GPC6: variants seen among roughly 807,000 people sequenced by gnomAD.
GPC6 encodes glypican 6.
GPC6 carries 14 observed loss-of-function variants against 55.2 expected under a neutral mutation model. The ratio of observed to expected loss-of-function variants is 0.25; its 90% CI spans 0.17 to 0.40. The LOEUF is 0.40. Among genes scored for constraint, GPC6 ranks in the 10% least tolerant of loss-of-function variants. The pLI, the probability that GPC6 is intolerant of heterozygous loss-of-function variation, is 1.00. For missense variants in GPC6, 641 were observed against 708.5 expected (o/e 0.90, Z 1.08); for synonymous variants, 278 against 259.6 (o/e 1.07, Z -0.68).
chr13:94,155,252 T>C (rs1427345726), intron 4 of GPC6, among the ~76,000 whole-genome samples: 3 of 152,118 alleles, frequency 2.0e-5, no homozygotes, highest in East Asian at 3.9e-4. Context: ...CCTTCTTTTC[T>C]CGAGTTTTCT....
intron 1 of GPC6, among the ~76,000 whole-genome samples, chr13:93,407,255 AT>A (rs1876328010): frequency 6.6e-6 from 1 of 152,130 alleles, no homozygotes; most frequent in African/African-American, 2.4e-5. Flanking sequence ...ACATATGTAT[AT>A]TTTTTATTTA....
chr13:93,504,016 G>GT (rs1880615965), intron 1 of GPC6, among the ~76,000 whole-genome samples: 1 of 152,058 alleles, frequency 6.6e-6, no homozygotes, highest in South Asian at 2.1e-4. Flanking sequence ...CTTTTTGATT[G>GT]TTTTTTGATT....
At chr13:93,994,625 A>C (rs1350111371) in intron 3 of GPC6, among the ~76,000 whole-genome samples, 4 of 152,164 alleles carry the variant, frequency 2.6e-5, no homozygotes, top group African/African-American at 9.6e-5. Flanking sequence ...GGAAAGCATG[A>C]GTGAAAGTGT....
chr13:94,269,335 C>T (rs1408220849), intron 4 of GPC6, among the ~76,000 whole-genome samples: 4 of 152,182 alleles, frequency 2.6e-5, no homozygotes, highest in African/African-American at 9.7e-5. Context: ...GCTTCACTGG[C>T]ATTGTGGTTT....
At chr13:94,087,146 G>A (rs2138806184) in intron 4 of GPC6, among the ~76,000 whole-genome samples, 1 of 152,314 alleles carries the variant, frequency 6.6e-6, no homozygotes, top group East Asian at 1.9e-4. Context: ...ATTTAAATGG[G>A]ATATTTGATG....
At chr13:93,592,124 G>T (rs1877517573) in intron 2 of GPC6, among the ~76,000 whole-genome samples, 1 of 151,818 alleles carries the variant, frequency 6.6e-6, no homozygotes, top group East Asian at 1.9e-4. Context: ...TAATATATTT[G>T]AGTCTTTACC....
intron 6 of GPC6, among the ~76,000 whole-genome samples, chr13:94,372,647 G>A (rs1356878501): frequency 1.3e-5 from 2 of 152,136 alleles, no homozygotes; most frequent in African/African-American, 2.4e-5. Context: ...AGGGGCGCCC[G>A]CCATTGCCCA....
intron 1 of GPC6, among the ~76,000 whole-genome samples, chr13:93,254,080 T>A (rs1480791167): frequency 6.6e-6 from 1 of 152,168 alleles, no homozygotes; most frequent in Non-Finnish European, 1.5e-5. Context: ...TTCAAGCATT[T>A]GGGAGGCCAA....
intron 3 of GPC6, among the ~76,000 whole-genome samples, chr13:93,884,060 G>A (rs1174171026): frequency 6.6e-6 from 1 of 152,012 alleles, no homozygotes; most frequent in Non-Finnish European, 1.5e-5. Flanking sequence ...TCGACATATG[G>A]CACATACTCA....
intron 1 of GPC6, among the ~76,000 whole-genome samples, chr13:93,313,648 A>T (rs963206): frequency 0.63 from 95,737 of 151,944 alleles, 30,761 homozygotes; most frequent in East Asian, 0.77. Context: ...TATATAAGCA[A>T]GCATGTAATA....
intron 1 of GPC6, among the ~76,000 whole-genome samples, chr13:93,255,921 G>A (rs1876936117): frequency 1.3e-5 from 2 of 152,142 alleles, no homozygotes; most frequent in East Asian, 3.9e-4. Flanking sequence ...ATTACTGGAG[G>A]CCAGGAGTTC....
chr13:93,512,172 A>G (rs948498481), intron 1 of GPC6, among the ~76,000 whole-genome samples: 1 of 151,948 alleles, frequency 6.6e-6, no homozygotes, highest in African/African-American at 2.4e-5. Flanking sequence ...GATGCATTTT[A>G]TTTCTTTCTG....
intron 1 of GPC6, among the ~76,000 whole-genome samples, chr13:93,286,291 C>T (rs921656105): frequency 8.5e-5 from 13 of 152,260 alleles, no homozygotes; most frequent in South Asian, 2.1e-4. Flanking sequence ...GCTGCCCCCA[C>T]GATTCAGTGA....
At chr13:93,816,356 G>A (rs760655227) in intron 2 of GPC6, among the ~76,000 whole-genome samples, 1 of 152,118 alleles carries the variant, frequency 6.6e-6, no homozygotes, top group South Asian at 2.1e-4. Context: ...ACAGCACGCT[G>A]TGCTTTAGAG....
At chr13:94,279,848 G>C (rs906853395) in intron 4 of GPC6, among the ~76,000 whole-genome samples, 1 of 152,160 alleles carries the variant, frequency 6.6e-6, no homozygotes, top group African/African-American at 2.4e-5. Context: ...TTGCTGAGGA[G>C]TGTTTTACTT....
At chr13:94,179,486 ACT>A (rs1222971496) in intron 4 of GPC6, among the ~76,000 whole-genome samples, 3 of 152,166 alleles carry the variant, frequency 2.0e-5, no homozygotes, top group Non-Finnish European at 4.4e-5. Context: ...ATTCTCCATC[ACT>A]GTTTGTATAC....
intron 3 of GPC6, among the ~76,000 whole-genome samples, chr13:93,961,396 G>C (rs1456523801): frequency 2.0e-5 from 3 of 152,198 alleles, no homozygotes; most frequent in African/African-American, 7.2e-5. Context: ...ATGCGAAGCA[G>C]TGATTGAGAT....
At chr13:94,028,359 G>A (rs1039155538) in intron 4 of GPC6, among the ~76,000 whole-genome samples, 1 of 151,978 alleles carries the variant, frequency 6.6e-6, no homozygotes, top group African/African-American at 2.4e-5. Context: ...TTTTCCTAAT[G>A]TTTTTACTGT....
chr13:93,463,968 C>A (rs1878807571), intron 1 of GPC6, among the ~76,000 whole-genome samples: 1 of 151,512 alleles, frequency 6.6e-6, no homozygotes, highest in Admixed American at 6.6e-5. Context: ...CAGACCACAG[C>A]AATAAAGCAA....
Sources: gnomAD v4.1 joint callset for allele counts (sites outside exome capture counted in the v4.1 genomes callset) on GRCh38, gnomAD v4.1.1 for gene constraint, MANE v1.5 for transcripts, NCBI Gene and HGNC (gene_info 2026-07-23, HGNC 2026-07-21) for gene names.